KCNIP4: variants seen among roughly 807,000 people sequenced by gnomAD.
The protein encoded by KCNIP4 is Kv channel-interacting protein 4.
Under a neutral mutation model 34.0 loss-of-function variants are expected in KCNIP4, and 12 were observed. That is an observed-to-expected ratio of 0.35 (90% CI 0.23 to 0.57). The LOEUF is 0.57. Ranked by LOEUF, KCNIP4 falls within the 20% of genes least tolerant of loss-of-function variation. KCNIP4 has a pLI of 0.83. For synonymous variants in KCNIP4, 124 were observed against 102.2 expected (o/e 1.21, Z -1.29); for missense variants, 238 against 311.7 (o/e 0.76, Z 1.78).
At chr4:21,945,684 T>G (rs1028273802) in intron 1 of KCNIP4, among the ~76,000 whole-genome samples, 1 of 152,040 alleles carries the variant, frequency 6.6e-6, no homozygotes, top group Admixed American at 6.5e-5. Context: ...AATAATTTTG[T>G]AGTTTTTTTT....
chr4:21,077,788 TA>T (rs1431626130), intron 1 of KCNIP4, among the ~76,000 whole-genome samples: 1 of 152,142 alleles, frequency 6.6e-6, no homozygotes, highest in African/African-American at 2.4e-5. Flanking sequence ...TATTATAATG[TA>T]ATAATTGTTA....
At chr4:21,896,963 A>G (rs1163681484) in intron 1 of KCNIP4, among the ~76,000 whole-genome samples, 1 of 121,224 alleles carries the variant, frequency 8.2e-6, no homozygotes, top group African/African-American at 3.4e-5. Context: ...AAATAAATAA[A>G]TAAATAAATA....
intron 3 of KCNIP4, among the ~76,000 whole-genome samples, chr4:20,816,271 C>A (rs981808155): frequency 5.4e-5 from 8 of 146,816 alleles, no homozygotes; most frequent in African/African-American, 2.0e-4. Flanking sequence ...AAAAAAAAAA[C>A]CTTTAAGTAG....
chr4:21,748,532 T>C (rs1245802749), intron 1 of KCNIP4, among the ~76,000 whole-genome samples: 11 of 152,160 alleles, frequency 7.2e-5, no homozygotes, highest in Non-Finnish European at 1.3e-4. Flanking sequence ...CAAGTACATA[T>C]GTGGTTTACC....
chr4:21,899,383 A>G (rs986782187), intron 1 of KCNIP4, among the ~76,000 whole-genome samples: 1 of 152,172 alleles, frequency 6.6e-6, no homozygotes, highest in Non-Finnish European at 1.5e-5. Context: ...GAACAAGAAA[A>G]GGATGCCCAT....
intron 1 of KCNIP4, among the ~76,000 whole-genome samples, chr4:21,939,640 T>C (rs536256302): frequency 1.3e-4 from 20 of 152,124 alleles, no homozygotes; most frequent in Non-Finnish European, 2.4e-4. Flanking sequence ...CTCTCAGATA[T>C]CATGACTTCA....
At chr4:21,751,637 GC>G (rs1295338927) in intron 1 of KCNIP4, among the ~76,000 whole-genome samples, 2 of 152,090 alleles carry the variant, frequency 1.3e-5, no homozygotes, top group Non-Finnish European at 2.9e-5. Context: ...TTTACAAAAA[GC>G]AAATGCATTG....
intron 1 of KCNIP4, among the ~76,000 whole-genome samples, chr4:21,442,419 G>A (rs1051288049): frequency 1.3e-5 from 2 of 152,126 alleles, no homozygotes; most frequent in Non-Finnish European, 2.9e-5. Flanking sequence ...AGTTATTTTT[G>A]TTGTGTCCAA....
intron 1 of KCNIP4, among the ~76,000 whole-genome samples, chr4:21,226,254 G>T (rs1250924759): frequency 2.1e-4 from 24 of 114,902 alleles, no homozygotes; most frequent in African/African-American, 7.5e-4. Flanking sequence ...GGGGAGGGAG[G>T]GAGGGAGGGA....
At chr4:20,963,418 T>C (rs1200669729) in intron 1 of KCNIP4, among the ~76,000 whole-genome samples, 1 of 152,120 alleles carries the variant, frequency 6.6e-6, no homozygotes, top group Non-Finnish European at 1.5e-5. Flanking sequence ...GAACTATTAT[T>C]ATTCCTATTA....
In KCNIP4 at chr4:21,122,467, T is replaced by C. The variant is rs955820044; in HGVS notation, c.62-239758A>G. On this transcript the variant is annotated intron_variant, in intron 1 of 8. Coordinates refer to ENST00000382152, the MANE Select transcript of KCNIP4 (RefSeq NM_025221.6). Reference sequence around the variant, plus strand: ...ATTTTTGCAGATCAAGTTTTTTTTTTTTTTTTTTTAAGTGCGTATACATTT... The same window carrying C: ...ATTTTTGCAGATCAAGTTTTTTTTTCTTTTTTTTTAAGTGCGTATACATTT... 2.1e-4 allele frequency among the ~76,000 whole-genome samples: 32 copies of C among 152,090 alleles called. 1 individual carries two copies. Among genetic ancestry groups the C allele is most frequent in the African/African-American group, 7.0e-4 (29 of 41,526 alleles).
intron 1 of KCNIP4, among the ~76,000 whole-genome samples, chr4:21,753,503 G>C (rs1717292976): frequency 6.6e-6 from 1 of 152,146 alleles, no homozygotes; most frequent in Admixed American, 6.5e-5. Context: ...TTGAATGAAT[G>C]AATAAAAGAA....
Position 21,948,700 on chromosome 4 carries a change from TGCACGGGAGCGCACCGCCGCTCG to T in KCNIP4, c.-92_-70del. ...GGCCAGGGGCGTCTGTCCACGGGTC[TGCACGGGAGCGCACCGCCGCTCG>T]GCCCGGGGGCGTCCGTGGCGCTGGG... On this transcript the variant is annotated 5_prime_UTR_variant, in exon 1 of 9. Transcript: ENST00000382152. 2 of 1,493,822 alleles carry T rather than the reference TGCACGGGAGCGCACCGCCGCTCG, an allele frequency of 1.3e-6. No homozygotes were observed. Among genetic ancestry groups the T allele is most frequent in the South Asian group, 2.7e-5 (2 of 75,340 alleles). The allele number at this position is 1,493,822 out of a possible 1,614,324, so 92.5% of individuals were successfully genotyped here.
rs369379838 is a variant in KCNIP4, at chr4:21,331,024, T to C, written c.62-448315A>G. Among the ~76,000 whole-genome samples, 19 of 152,310 alleles carry C rather than the reference T, an allele frequency of 1.2e-4. No homozygotes were observed. The South Asian group carries it at 3.3e-3, about 27-fold the overall frequency. ...CCTAATTTGTTCCTGTGTCCTACTC[T>C]TCTATTGACTGTTTCCCAGTCCCTA... On this transcript the variant is annotated intron_variant, in intron 1 of 8. Coordinates refer to ENST00000382152, the MANE Select transcript of KCNIP4 (RefSeq NM_025221.6).
At chr4:21,810,520 C>A (rs1721573086) in intron 1 of KCNIP4, among the ~76,000 whole-genome samples, 1 of 151,926 alleles carries the variant, frequency 6.6e-6, no homozygotes, top group African/African-American at 2.4e-5. Context: ...GAAACCCCAT[C>A]TCTACTAAAA....
At position 21,425,654 on chromosome 4, in the gene KCNIP4, T is replaced by A. The variant is rs58679395; in HGVS notation, c.61+522917A>T. On this transcript the variant is annotated intron_variant, in intron 1 of 8. Coordinates refer to ENST00000382152, the MANE Select transcript of KCNIP4 (RefSeq NM_025221.6). ...ATATGTCATTAACCTTTACTATAAT[T>A]CTTTCAGAAGTTATGATGATATAAA... is the stretch of plus-strand genomic sequence containing the variant. 9.6e-3 allele frequency among the ~76,000 whole-genome samples: 1,465 copies of A among 152,272 alleles called. 67 individuals carry two copies. In the East Asian group the frequency reaches 0.15, roughly 15 times the overall value.
At chr4:20,746,050 T>C (rs1444751876) in intron 5 of KCNIP4, among the ~76,000 whole-genome samples, 1 of 152,158 alleles carries the variant, frequency 6.6e-6, no homozygotes, top group Non-Finnish European at 1.5e-5. Context: ...GGATTATAAA[T>C]CATTCTACTA....
chr4:21,386,915 T>G (rs915477841), intron 1 of KCNIP4, among the ~76,000 whole-genome samples: 1 of 152,196 alleles, frequency 6.6e-6, no homozygotes, highest in Non-Finnish European at 1.5e-5. Flanking sequence ...CAGAAAGCTC[T>G]ACACATACTA....
At chr4:21,713,885 A>G (rs1713939865) in intron 1 of KCNIP4, among the ~76,000 whole-genome samples, 1 of 152,132 alleles carries the variant, frequency 6.6e-6, no homozygotes, top group Non-Finnish European at 1.5e-5. Context: ...TCATGTACAA[A>G]CCCATGATTA....
Sources: gnomAD v4.1 joint callset for allele counts (sites outside exome capture counted in the v4.1 genomes callset) on GRCh38, gnomAD v4.1.1 for gene constraint, MANE v1.5 for transcripts, NCBI Gene and HGNC (gene_info 2026-07-23, HGNC 2026-07-21) for gene names.